The following MYLIP variants were observed in gnomAD, a reference collection of about 807,000 sequenced individuals.
MYLIP encodes the protein myosin regulatory light chain interacting protein.
In MYLIP, 26 loss-of-function variants were observed where a neutral mutation model predicts 45.8. That is an observed-to-expected ratio of 0.57 (90% CI 0.42 to 0.79). The LOEUF (loss-of-function observed/expected upper bound fraction) is 0.79, where lower values mean the gene tolerates loss of function less well. Ranked by LOEUF, MYLIP falls within the 30% of genes least tolerant of loss-of-function variation. The pLI, the probability that MYLIP is intolerant of heterozygous loss-of-function variation, is 0.00. For synonymous variants in MYLIP, 213 were observed against 218.1 expected, an observed-to-expected ratio of 0.98 and a Z score of 0.21; for missense variants, 494 against 555.6, an observed-to-expected ratio of 0.89 and a Z score of 1.11.
At chr6:16,156,937 C>T in the MYLIP span, among the ~76,000 whole-genome samples, 1 of 152,230 alleles carries the variant, frequency 6.6e-6, no homozygotes, top group African/African-American at 2.4e-5. Flanking sequence ...TCAGGGCACT[C>T]CCTGTGCAAA....
At position 16,147,530 on chromosome 6, in the gene MYLIP, A is replaced by G. The variant is rs1307780588; in HGVS notation, c.*779A>G. On this transcript the variant is annotated 3_prime_UTR_variant, in exon 7 of 7. Coordinates refer to ENST00000356840, the MANE Select transcript of MYLIP (RefSeq NM_013262.4). ...CTGAGCTGGTGGAATATTTTATTTC[A>G]GACTGAAAACAGAGAGCACTCTCCT... 2 of 152,248 alleles carry G rather than the reference A, an allele frequency of 1.3e-5. No homozygotes were observed. Among genetic ancestry groups the G allele is most frequent in the Non-Finnish European group, 2.9e-5 (2 of 68,048 alleles). 9.4% of individuals were successfully genotyped at this position (152,248 alleles called of 1,614,324 possible). A position where few individuals can be genotyped will look rare whatever the true frequency, so the allele number is the denominator to read the frequency against.
the MYLIP span, among the ~76,000 whole-genome samples, chr6:16,159,722 G>C: frequency 7.9e-5 from 12 of 152,096 alleles, no homozygotes; most frequent in African/African-American, 2.9e-4. Context: ...TTTGGAATAG[G>C]GACATGTCCT....
At chr6:16,153,888 A>G in the MYLIP span, among the ~76,000 whole-genome samples, 1 of 152,200 alleles carries the variant, frequency 6.6e-6, no homozygotes, top group Non-Finnish European at 1.5e-5. Context: ...TAGATATTAT[A>G]TAGGCTCTTC....
At chr6:16,155,327 A>G in the MYLIP span, among the ~76,000 whole-genome samples, 1 of 152,216 alleles carries the variant, frequency 6.6e-6, no homozygotes, top group Non-Finnish European at 1.5e-5. Context: ...TATACAGGAC[A>G]TGTGGCAAAA....
chr6:16,143,569 T>C (rs1013299935), intron 4 of MYLIP, 130 bp from the exon 5 acceptor site: 35 of 910,212 alleles, frequency 3.8e-5, no homozygotes, highest in Non-Finnish European at 5.8e-5. Context: ...ATTATGGTGA[T>C]GTGATAACCC....
the MYLIP span, among the ~76,000 whole-genome samples, chr6:16,153,789 G>T: frequency 6.6e-6 from 1 of 152,146 alleles, no homozygotes; most frequent in African/African-American, 2.4e-5. Flanking sequence ...GACACCCCTA[G>T]ACTCAGGCAG....
the MYLIP span, among the ~76,000 whole-genome samples, chr6:16,155,968 G>A: frequency 6.6e-6 from 1 of 152,170 alleles, no homozygotes; most frequent in South Asian, 2.1e-4. Context: ...CAGGTAGCAC[G>A]AACAAATTGA....
the MYLIP span, among the ~76,000 whole-genome samples, chr6:16,153,459 C>T: frequency 6.6e-6 from 1 of 152,186 alleles, no homozygotes; most frequent in Non-Finnish European, 1.5e-5. Context: ...AGGAAACTTG[C>T]TCCAGGGTAA....
At position 16,130,480 on chromosome 6, in the gene MYLIP, C is replaced by CT. The variant is rs1182159536; in HGVS notation, c.88-75dup. ...GAACTTTGTAAAAAGCACCAGCAAT[C>CT]TTAGCCTCAGGGAGCCGTTGGGTTT... On this transcript the variant is annotated intron_variant, in intron 1 of 6. Transcript: ENST00000356840. 17 of 1,433,482 alleles carry CT rather than the reference C, an allele frequency of 1.2e-5. No homozygotes were observed. In the East Asian group the frequency reaches 3.9e-4, roughly 33 times the overall value. 88.8% of individuals were successfully genotyped at this position (1,433,482 alleles called of 1,614,324 possible).
Position 16,144,931 on chromosome 6 carries a change from T to G in MYLIP, c.862T>G (p.Tyr288Asp). Reference protein sequence around the residue: ...DTVTSAVMMQYSRDLKGHLAS... With the variant: ...DTVTSAVMMQDSRDLKGHLAS... ...AGTGACCAGCGCCGTGATGATGCAG[T>G]ATAGCCGTGACTTGAAGGGCCACTT... The change falls in exon 6 of 7, where the codon TAT becomes GAT. Residue 288 changes from tyrosine to aspartate, a missense_variant. Tyr to Asp is a radical substitution (Grantham distance 160, BLOSUM62 -3). Transcript: ENST00000356840. 6.2e-7 allele frequency: 1 copy of G among 1,614,172 alleles called. No homozygotes were observed. Among genetic ancestry groups the G allele is most frequent in the Non-Finnish European group, 8.5e-7 (1 of 1,180,010 alleles).
chr6:16,130,829 C>G (rs574335021), intron 2 of MYLIP, 82 bp downstream of exon 2: 2 of 1,352,652 alleles, frequency 1.5e-6, no homozygotes, highest in South Asian at 3.0e-5. Flanking sequence ...CAGAGATACT[C>G]ACAGGCAAGT....
the MYLIP span, among the ~76,000 whole-genome samples, chr6:16,153,861 A>G: frequency 6.6e-6 from 1 of 152,226 alleles, no homozygotes; most frequent in Non-Finnish European, 1.5e-5. Flanking sequence ...ATGTATAGCC[A>G]TGACTTTCCT....
chr6:16,135,480 C>A (rs1041754612), intron 2 of MYLIP, among the ~76,000 whole-genome samples: 3 of 151,992 alleles, frequency 2.0e-5, no homozygotes, highest in African/African-American at 7.3e-5. Context: ...GTACTTTGGG[C>A]TTTGAAAAGG....
chr6:16,141,718 C>G lies in MYLIP; in HGVS notation c.372C>G (p.Ala124=), dbSNP rs756350815. 6.8e-6 allele frequency: 11 copies of G among 1,614,126 alleles called. No individual in the cohort carries two copies. The South Asian group carries it at 1.2e-4, about 18-fold the overall frequency. ...EQAVELSALL[A]QTKFGDYNQN... is the part of the protein sequence containing the mutation. ...CAGTGGAACTCAGTGCCCTCCTGGC[C>G]CAGACCAAGTTTGGAGACTACAACC... Residue 124 remains alanine, a synonymous_variant, in exon 3 of 7, where the codon GCC becomes GCG. Coordinates refer to ENST00000356840, the MANE Select transcript of MYLIP (RefSeq NM_013262.4).
intron 4 of MYLIP, 42 bp from the exon 5 acceptor site, chr6:16,143,657 A>G: frequency 6.2e-7 from 1 of 1,600,214 alleles, no homozygotes; most frequent in African/African-American, 1.3e-5. Context: ...GTGAAGAATC[A>G]CTCCTTCTAG....
chr6:16,157,546 G>C, the MYLIP span, among the ~76,000 whole-genome samples: 1 of 152,220 alleles, frequency 6.6e-6, no homozygotes, highest in African/African-American at 2.4e-5. Flanking sequence ...AGGCTCAATA[G>C]ATGAATGACT....
chr6:16,158,021 A>T, the MYLIP span, among the ~76,000 whole-genome samples: 1 of 152,260 alleles, frequency 6.6e-6, no homozygotes, highest in Non-Finnish European at 1.5e-5. Flanking sequence ...AACCCCAAAA[A>T]GAAAGAACAA....
chr6:16,137,327 G>T (rs758426413), intron 2 of MYLIP, among the ~76,000 whole-genome samples: 44 of 152,178 alleles, frequency 2.9e-4, no homozygotes, highest in African/African-American at 1.1e-3. Context: ...ACTGAGGCAG[G>T]CTGGCTGATG....
chr6:16,154,742 G>C, the MYLIP span, among the ~76,000 whole-genome samples: 3 of 152,182 alleles, frequency 2.0e-5, no homozygotes, highest in African/African-American at 4.8e-5. Flanking sequence ...CCTGGAGTTT[G>C]AGGGTACAAC....
Sources: allele counts gnomAD v4.1 joint callset (sites outside exome capture counted in the v4.1 genomes callset), GRCh38; gene constraint gnomAD v4.1.1; transcripts MANE v1.5; gene names NCBI Gene and HGNC (gene_info 2026-07-23, HGNC 2026-07-21).